FGF7: variants seen among roughly 807,000 people sequenced by gnomAD.
The protein encoded by FGF7 is FGF-7.
FGF7 carries 6 observed loss-of-function variants against 20.5 expected under a neutral mutation model. That is an observed-to-expected ratio of 0.29 (90% CI 0.16 to 0.58). The LOEUF (loss-of-function observed/expected upper bound fraction) is 0.58. Among genes scored for constraint, FGF7 ranks in the 20% least tolerant of loss-of-function variants. FGF7 has a pLI of 0.90. For synonymous variants in FGF7, 64 were observed against 74.7 expected (o/e 0.86, Z 0.74); for missense variants, 144 against 228.8 (o/e 0.63, Z 2.39).
chr15:49,445,819 C>T (rs776426511), intron 2 of FGF7, among the ~76,000 whole-genome samples: 1 of 151,494 alleles, frequency 6.6e-6, no homozygotes, highest in Non-Finnish European at 1.5e-5. Flanking sequence ...ACTCTCTTAT[C>T]ACCAGATTCC....
chr15:49,461,017 G>T (rs900817706), intron 2 of FGF7, among the ~76,000 whole-genome samples: 2 of 152,112 alleles, frequency 1.3e-5, no homozygotes, highest in Non-Finnish European at 2.9e-5. Context: ...ATCTTGTGGG[G>T]CCAGCCTTCC....
At chr15:49,424,678 GA>G in intron 2 of FGF7, 95 bp downstream of exon 2, 29 of 994,970 alleles carry the variant, frequency 2.9e-5, no homozygotes, top group Non-Finnish European at 3.3e-5. Context: ...TTGCTTCTTG[GA>G]AAAAAAATTA....
At chr15:49,477,591 G>A (rs974492918) in intron 2 of FGF7, among the ~76,000 whole-genome samples, 2 of 152,166 alleles carry the variant, frequency 1.3e-5, no homozygotes, top group Non-Finnish European at 2.9e-5. Context: ...TATTGGATAT[G>A]TGGGTTGCGT....
At chr15:49,481,315 T>C (rs1183507988) in intron 2 of FGF7, among the ~76,000 whole-genome samples, 3 of 152,364 alleles carry the variant, frequency 2.0e-5, no homozygotes, top group East Asian at 3.9e-4. Flanking sequence ...TGCAAATATG[T>C]TGAATCAATG....
Position 49,484,509 on chromosome 15 carries a change from A to T in FGF7, c.*5A>T, listed in dbSNP as rs1283710089. On this transcript the variant is annotated 3_prime_UTR_variant, in exon 4 of 4. Coordinates refer to ENST00000267843, the MANE Select transcript of FGF7 (RefSeq NM_002009.4). ...CTTCCTATGGCAATAACTTAATTGC[A>T]TATGGTATATAAAGAACCAGTTCCA... 21 of 1,437,050 alleles carry T rather than the reference A, an allele frequency of 1.5e-5. No homozygotes were observed. In the Middle Eastern group the frequency reaches 1.0e-3, roughly 69 times the overall value. The allele number at this position is 1,437,050 out of a possible 1,614,324, so 89.0% of individuals were successfully genotyped here.
At chr15:49,475,799 C>T (rs2055209917) in intron 2 of FGF7, among the ~76,000 whole-genome samples, 1 of 151,984 alleles carries the variant, frequency 6.6e-6, no homozygotes, top group South Asian at 2.1e-4. Context: ...ACCAGCCTGG[C>T]CAACATGGCA....
At chr15:49,453,762 T>C (rs932747031) in intron 2 of FGF7, among the ~76,000 whole-genome samples, 2 of 152,170 alleles carry the variant, frequency 1.3e-5, no homozygotes, top group Admixed American at 6.5e-5. Context: ...TAATGGTCAC[T>C]AGATAGCTCT....
chr15:49,451,799 T>C (rs1299945874), intron 2 of FGF7, among the ~76,000 whole-genome samples: 2 of 152,128 alleles, frequency 1.3e-5, no homozygotes, highest in African/African-American at 4.8e-5. Flanking sequence ...GTAATACTTA[T>C]ATAGCAATCA....
intron 2 of FGF7, among the ~76,000 whole-genome samples, chr15:49,438,510 A>C (rs745780880): frequency 1.3e-5 from 2 of 151,736 alleles, no homozygotes; most frequent in Non-Finnish European, 3.0e-5. Context: ...CCAAAGAGTT[A>C]TCAGTCTTAG....
At position 49,485,019 on chromosome 15, in the gene FGF7, T is replaced by G. The variant is rs904663003; in HGVS notation, c.*515T>G. On this transcript the variant is annotated 3_prime_UTR_variant, in exon 4 of 4. Transcript: ENST00000267843. ...AATGCTTTCTAGTGAAAAATTATAA[T>G]CTACTTAAACTCTAATCAGAAAAAA... 2 of 151,990 alleles carry G rather than the reference T, an allele frequency of 1.3e-5. No individual in the cohort carries two copies. The highest frequency in any genetic ancestry group is 4.8e-5 in the African/African-American group (2 of 41,380). The allele number at this position is 151,990 out of a possible 1,614,324, so 9.4% of individuals were successfully genotyped here.
intron 2 of FGF7, among the ~76,000 whole-genome samples, chr15:49,430,282 CT>C (rs1250520875): frequency 6.6e-6 from 1 of 151,882 alleles, no homozygotes. Flanking sequence ...TCTTCTGACA[CT>C]TTAAAGTGGT....
chr15:49,470,057 C>T (rs1377796461), intron 2 of FGF7, among the ~76,000 whole-genome samples: 2 of 151,904 alleles, frequency 1.3e-5, no homozygotes, highest in African/African-American at 4.8e-5. Flanking sequence ...AAATTTAAGC[C>T]CTGCATACAA....
At chr15:49,445,947 A>T (rs1198586552) in intron 2 of FGF7, among the ~76,000 whole-genome samples, 2 of 151,602 alleles carry the variant, frequency 1.3e-5, no homozygotes, top group Non-Finnish European at 3.0e-5. Flanking sequence ...ATGCCCAAGT[A>T]TCAGACTTCC....
intron 2 of FGF7, chr15:49,424,888 C>T (rs1232805370): frequency 5.5e-6 from 1 of 183,184 alleles, no homozygotes; most frequent in Non-Finnish European, 1.1e-5. Context: ...CAAAATGTGA[C>T]TTAATATTGT....
intron 2 of FGF7, among the ~76,000 whole-genome samples, chr15:49,479,502 AACTT>A (rs1190972670): frequency 6.6e-6 from 1 of 151,988 alleles, no homozygotes; most frequent in Non-Finnish European, 1.5e-5. Context: ...ATTGGTAACT[AACTT>A]AATATCTGCA....
chr15:49,457,991 A>G (rs188454669), intron 2 of FGF7, among the ~76,000 whole-genome samples: 127 of 152,046 alleles, frequency 8.4e-4, no homozygotes, highest in Non-Finnish European at 5.7e-4. Flanking sequence ...TTGATTGATA[A>G]TATTTTTTCC....
At chr15:49,473,255 CATG>C (rs35687116) in intron 2 of FGF7, among the ~76,000 whole-genome samples, 38,448 of 151,884 alleles carry the variant, frequency 0.25, 5,695 homozygotes, top group Non-Finnish European at 0.35. Flanking sequence ...TTAATGAAGT[CATG>C]ATGATGTTCA....
intron 2 of FGF7, among the ~76,000 whole-genome samples, chr15:49,462,081 T>C (rs1050361988): frequency 6.6e-6 from 1 of 152,052 alleles, no homozygotes; most frequent in African/African-American, 2.4e-5. Context: ...ATCGTGCCAC[T>C]GTACTCCAGC....
At chr15:49,478,215 C>T (rs564502204) in intron 2 of FGF7, among the ~76,000 whole-genome samples, 8 of 152,236 alleles carry the variant, frequency 5.3e-5, no homozygotes, top group East Asian at 1.9e-4. Context: ...TAATGGCCTC[C>T]GGCTGCATCC....
Sources: allele counts gnomAD v4.1 joint callset (sites outside exome capture counted in the v4.1 genomes callset), GRCh38; gene constraint gnomAD v4.1.1; transcripts MANE v1.5; gene names NCBI Gene and HGNC (gene_info 2026-07-23, HGNC 2026-07-21).